KIF1A: variants seen among roughly 807,000 people sequenced by gnomAD.
KIF1A encodes kinesin-like protein KIF1A.
Under a neutral mutation model 227.3 loss-of-function variants are expected in KIF1A, and 46 were observed. That is an observed-to-expected ratio of 0.20 (90% CI 0.16 to 0.26). The LOEUF (loss-of-function observed/expected upper bound fraction) is 0.26. KIF1A is among the 10% of genes least tolerant of loss of function. KIF1A has a pLI of 1.00. For synonymous variants in KIF1A, 1,022 were observed against 1,012.8 expected (o/e 1.01, Z -0.17); for missense variants, 1,683 against 2,485.9 (o/e 0.68, Z 6.87).
At position 240,724,229 on chromosome 2, in the gene KIF1A, G is replaced by C. The variant is rs576258218; in HGVS notation, c.4257-193C>G. 129 of 627,908 alleles carry C rather than the reference G, an allele frequency of 2.1e-4. 2 individuals are homozygous for C. In the South Asian group the frequency reaches 2.3e-3, roughly 11 times the overall value. 38.9% of individuals were successfully genotyped at this position (627,908 alleles called of 1,614,324 possible). ...GACTCCCTCCGGCCCCCAGAGAAAA[G>C]ATGCATTGGCTGGTCTTGCTCAGGT... On this transcript the variant is annotated intron_variant, in intron 40 of 48. Transcript: ENST00000498729.
At chr2:240,821,379 C>G (rs1248997831), upstream of KIF1A, among the ~76,000 whole-genome samples, 1 of 152,218 alleles carries the variant, frequency 6.6e-6, no homozygotes, top group Non-Finnish European at 1.5e-5. Context: ...TTGCAGGTGG[C>G]TGGGGGAGAT....
intron 27 of KIF1A, among the ~76,000 whole-genome samples, chr2:240,751,909 T>C (rs1338233856): frequency 1.3e-5 from 2 of 152,144 alleles, no homozygotes; most frequent in Non-Finnish European, 2.9e-5. Flanking sequence ...CCAGTCACTG[T>C]CAGGACCTTC....
intron 1 of KIF1A, among the ~76,000 whole-genome samples, chr2:240,801,123 A>T (rs1391309469): frequency 6.6e-6 from 1 of 152,242 alleles, no homozygotes; most frequent in Non-Finnish European, 1.5e-5. Flanking sequence ...TCTGATTAAA[A>T]ACAAAGAGGA....
rs1575527333 is a variant in KIF1A, at chr2:240,726,723, A to G, written c.4122+103T>C. 7.2e-6 allele frequency: 4 copies of G among 558,968 alleles called. No individual in the cohort carries two copies. The highest frequency in any genetic ancestry group is 6.8e-5 in the South Asian group (2 of 29,398). 34.6% of individuals were successfully genotyped at this position (558,968 alleles called of 1,614,324 possible). A position where few individuals can be genotyped will look rare whatever the true frequency, so the allele number is the denominator to read the frequency against. ...AATTTAACCCAGGGACTTGAGAACTAGAGAAGTCGTCTGGGTCATATGGGG... is the reference window on the plus strand; with the variant it reads ...AATTTAACCCAGGGACTTGAGAACTGGAGAAGTCGTCTGGGTCATATGGGG... On this transcript the variant is annotated intron_variant, in intron 39 of 48. Transcript: ENST00000498729. This position sits in a 1 kb window ranked among gnomAD's most constrained non-coding sequence, Gnocchi z 5.2.
intron 1 of KIF1A, among the ~76,000 whole-genome samples, 181 bp downstream of exon 1, chr2:240,819,941 G>A (rs2058611713): frequency 6.6e-6 from 1 of 152,148 alleles, no homozygotes; most frequent in African/African-American, 2.4e-5. Flanking sequence ...GGAGATGGAG[G>A]AAGGTCTGGA....
At chr2:240,721,775 G>T in intron 44 of KIF1A, 32 bp downstream of exon 44, 1 of 1,574,786 alleles carries the variant, frequency 6.4e-7, no homozygotes, top group Non-Finnish European at 8.6e-7. Context: ...CGAGCCCTGC[G>T]GGGCAGCCTG....
rs186340833 is a variant in KIF1A, at chr2:240,736,348, C to T, written c.4007+715G>A. Among the ~76,000 whole-genome samples, 31 of 152,258 alleles carry T rather than the reference C, an allele frequency of 2.0e-4. No homozygotes were observed. Among genetic ancestry groups the T allele is most frequent in the Non-Finnish European group, 8.8e-5 (6 of 68,008 alleles). ...ACACTGGAGCCCCCGCCTCACTTTC[C>T]CCAAGCCCCTGGAAGGCAGCGTCTG... On this transcript the variant is annotated intron_variant, in intron 38 of 48. Coordinates refer to ENST00000498729, the MANE Select transcript of KIF1A (RefSeq NM_001244008.2). The surrounding 1 kb of genome is among the most constrained non-coding windows in gnomAD (Gnocchi z 4.7).
At chr2:240,731,740 C>T (rs1486366950) in intron 38 of KIF1A, among the ~76,000 whole-genome samples, 1 of 152,188 alleles carries the variant, frequency 6.6e-6, no homozygotes, top group African/African-American at 2.4e-5. Context: ...GGGAAGACCC[C>T]CACAGTCCCC....
At position 240,763,271 on chromosome 2, in the gene KIF1A, C is replaced by T. The variant is rs764578297; in HGVS notation, c.1844G>A (p.Arg615His). The T allele has an allele frequency of 1.6e-5, 25 of 1,610,716 alleles. No individual in the cohort carries two copies. Among genetic ancestry groups the T allele is most frequent in the African/African-American group, 6.7e-5 (5 of 74,858 alleles). The change falls in exon 21 of 49, where the codon CGC (arginine) becomes CAC (histidine). Residue 615 changes from arginine to histidine, a missense_variant. Transcript: ENST00000498729. ...AGCTGGCGTCTCCGCACAAGGCGTG[C>T]GCTCACGCTCCTGCCGGGCCTGCTC... ...HPEQARQERE[R>H]TPCAETPAEP...
At chr2:240,746,316 T>A in intron 29 of KIF1A, 139 bp from the exon 30 acceptor site, 1 of 982,840 alleles carries the variant, frequency 1.0e-6, no homozygotes, top group African/African-American at 1.7e-5. Flanking sequence ...GCACCAGACC[T>A]GTGCCTGCCT....
intron 1 of KIF1A, chr2:240,798,120 A>G (rs1029249566): frequency 2.3e-5 from 5 of 212,972 alleles, no homozygotes; most frequent in Non-Finnish European, 4.7e-5. Flanking sequence ...CCCCCCAGGA[A>G]GGGTCTTCCC....
intron 32 of KIF1A, among the ~76,000 whole-genome samples, chr2:240,745,100 C>CCAGGGCTGCCCTGGCTGAGG (rs2048428863): frequency 6.6e-6 from 1 of 152,146 alleles, no homozygotes; most frequent in Admixed American, 6.5e-5. Flanking sequence ...AACACCCAAG[C>CCAGGGCTGCCCTGGCTGAGG]CAGGGCTGCC....
At position 240,786,238 on chromosome 2, in the gene KIF1A, C is replaced by G. The variant is rs186530984; in HGVS notation, c.608+97G>C. 4.0e-6 allele frequency: 5 copies of G among 1,247,512 alleles called. No homozygotes were observed. The African/African-American group carries it at 5.9e-5, about 15-fold the overall frequency. 77.3% of individuals were successfully genotyped at this position (1,247,512 alleles called of 1,614,324 possible). On this transcript the variant is annotated intron_variant, in intron 6 of 48. Coordinates refer to ENST00000498729, the MANE Select transcript of KIF1A (RefSeq NM_001244008.2). ...CACCTCCGCGGGGGCACAGATGGAC[C>G]CTACCAAAAAGGGCCAGGACCGAGG... is the stretch of plus-strand genomic sequence containing the variant.
Position 240,741,389 on chromosome 2 carries a change from G to A in KIF1A, c.3641-12C>T, listed in dbSNP as rs1437799409. The A allele has an allele frequency of 6.5e-7, 1 of 1,532,028 alleles. No homozygotes were observed. Among genetic ancestry groups the A allele is most frequent in the Admixed American group, 1.9e-5 (1 of 51,988 alleles). 94.9% of individuals were successfully genotyped at this position (1,532,028 alleles called of 1,614,324 possible). A position where few individuals can be genotyped will look rare whatever the true frequency, so the allele number is the denominator to read the frequency against. ...CTTGGTGGCGGGCACTGTAGGGACA[G>A]GAGGGAGGCATGCATGGATGGGAGA... On this transcript the variant is annotated splice_polypyrimidine_tract_variant and intron_variant, in intron 34 of 48. Coordinates refer to ENST00000498729, the MANE Select transcript of KIF1A (RefSeq NM_001244008.2).
Position 240,713,865 on chromosome 2 carries a change from G to A in KIF1A, c.*3499C>T, listed in dbSNP as rs566825730. 276 of 153,054 alleles carry A rather than the reference G, an allele frequency of 1.8e-3. No homozygotes were observed. The highest frequency in any genetic ancestry group is 4.3e-3 in the Admixed American group (66 of 15,310). The allele number at this position is 153,054 out of a possible 1,614,324, so 9.5% of individuals were successfully genotyped here. On this transcript the variant is annotated 3_prime_UTR_variant, in exon 49 of 49. Coordinates refer to ENST00000498729, the MANE Select transcript of KIF1A (RefSeq NM_001244008.2). ...GGCTAACACTCGGGTGTAAGACATC[G>A]GGACAGGCGTCGTGACGTCGGGACG...
intron 1 of KIF1A, among the ~76,000 whole-genome samples, chr2:240,815,892 T>A (rs1268127510): frequency 6.6e-6 from 1 of 152,170 alleles, no homozygotes; most frequent in Non-Finnish European, 1.5e-5. Flanking sequence ...GTTCTCATTG[T>A]TCAGGTGTGG....
chr2:240,722,830 C>A (rs567340361), intron 42 of KIF1A, among the ~76,000 whole-genome samples, 174 bp from the exon 43 acceptor site: 3 of 152,154 alleles, frequency 2.0e-5, no homozygotes, highest in African/African-American at 7.2e-5. Flanking sequence ...CAGACCCTGG[C>A]GCCCCGGGGC....
At position 240,740,429 on chromosome 2, in the gene KIF1A, G is replaced by A. The variant is rs1480487779; in HGVS notation, c.3750-65C>T. 4 of 1,374,356 alleles carry A rather than the reference G, an allele frequency of 2.9e-6. No individual in the cohort carries two copies. The highest frequency in any genetic ancestry group is 4.6e-5 in the East Asian group (2 of 43,600). The allele number at this position is 1,374,356 out of a possible 1,614,324, so 85.1% of individuals were successfully genotyped here. A position where few individuals can be genotyped will look rare whatever the true frequency, so the allele number is the denominator to read the frequency against. On this transcript the variant is annotated intron_variant, in intron 35 of 48. Coordinates refer to ENST00000498729, the MANE Select transcript of KIF1A (RefSeq NM_001244008.2). This position sits in a 1 kb window ranked among gnomAD's most constrained non-coding sequence, Gnocchi z 6.1. ...CCTCTCTGCCCTCCCCGCAGCACAG[G>A]ACACAGTGGACGGGAGCAAAAACAG...
chr2:240,788,006 C>T lies in KIF1A; in HGVS notation c.363+45G>A, dbSNP rs1056592632. The T allele has an allele frequency of 3.9e-6, 6 of 1,525,154 alleles. No individual in the cohort carries two copies. The highest frequency in any genetic ancestry group is 4.4e-6 in the Non-Finnish European group (5 of 1,127,760). The allele number at this position is 1,525,154 out of a possible 1,614,324, so 94.5% of individuals were successfully genotyped here. A position where few individuals can be genotyped will look rare whatever the true frequency, so the allele number is the denominator to read the frequency against. On this transcript the variant is annotated intron_variant, in intron 4 of 48. Transcript: ENST00000498729. The surrounding 1 kb of genome is among the most constrained non-coding windows in gnomAD (Gnocchi z 6.6). Reference sequence around the variant, plus strand: ...CGGAGCTCTCAGCCTCAGCTGGTCCCGCCCCATCTGCCAGGGCTGCCCCCG... The same window carrying T: ...CGGAGCTCTCAGCCTCAGCTGGTCCTGCCCCATCTGCCAGGGCTGCCCCCG...
Sources: gnomAD v4.1 joint callset for allele counts (sites outside exome capture counted in the v4.1 genomes callset) on GRCh38, gnomAD v4.1.1 for gene constraint, Gnocchi (gnomAD v3.1) non-coding constraint, MANE v1.5 for transcripts, NCBI Gene and HGNC (gene_info 2026-07-23, HGNC 2026-07-21) for gene names.